The following DNAJC10 variants were observed in gnomAD, a reference collection of about 807,000 sequenced individuals.
DNAJC10 encodes the protein DnaJ heat shock protein family (Hsp40) member C10.
A neutral mutation model predicts 115.0 loss-of-function variants in DNAJC10; 101 were observed. The observed-to-expected ratio is 0.88, with a 90% confidence interval of 0.75 to 1.04. DNAJC10 has a LOEUF of 1.04. Among genes scored for constraint, DNAJC10 ranks in the 50% least tolerant of loss-of-function variants. The probability of loss-of-function intolerance (pLI) is 0.00; values close to 1 mark genes in which losing one functional copy is unlikely to be tolerated. For synonymous variants in DNAJC10, 307 were observed against 301.5 expected (o/e 1.02, Z -0.19); for missense variants, 981 against 928.8 (o/e 1.06, Z -0.73).
At chr2:182,722,794 G>T (rs1181814881) in intron 5 of DNAJC10, among the ~76,000 whole-genome samples, 1 of 151,868 alleles carries the variant, frequency 6.6e-6, no homozygotes, top group Non-Finnish European at 1.5e-5. Context: ...ACAAAAATTA[G>T]GTGTGCCTGG....
At position 182,728,662 on chromosome 2, in the gene DNAJC10, T is replaced by C. The variant is rs1351619633; in HGVS notation, c.501+4T>C. The C allele has an allele frequency of 6.2e-7, 1 of 1,608,332 alleles. No homozygotes were observed. Among genetic ancestry groups the C allele is most frequent in the Non-Finnish European group, 8.5e-7 (1 of 1,176,754 alleles). On this transcript the variant is annotated splice_donor_region_variant and intron_variant, in intron 6 of 23. Transcript: ENST00000264065. ...CTGCCATGATTTAGCTCCCACAGTA[T>C]GTATTTTTCACATCCTCATTACTAG...
chr2:182,722,183 C>T (rs1014687675), intron 5 of DNAJC10, 108 bp downstream of exon 5: 2 of 777,890 alleles, frequency 2.6e-6, no homozygotes, highest in African/African-American at 1.8e-5. Context: ...GAGTTTCGAA[C>T]AGTAATAATG....
chr2:182,774,022 A>G (rs942901558), intron 22 of DNAJC10, among the ~76,000 whole-genome samples: 1 of 152,114 alleles, frequency 6.6e-6, no homozygotes, highest in Non-Finnish European at 1.5e-5. Context: ...TTTGGTGTAG[A>G]TGACCTTTTT....
chr2:182,775,040 C>T (rs900391702), intron 22 of DNAJC10, among the ~76,000 whole-genome samples: 13 of 146,626 alleles, frequency 8.9e-5, no homozygotes, highest in East Asian at 2.0e-4. Flanking sequence ...TGCACAGTTT[C>T]GATGTTTTGA....
rs1694820709 is a variant in DNAJC10 at position 182,780,501 on chromosome 2, T to C, written c.*3369T>C. On this transcript the variant is annotated 3_prime_UTR_variant, in exon 24 of 24. Transcript: ENST00000264065. ...GCCATGTTTTTACAGCCTGCAGAACTGCAAGTCAAATAAACGTTTTCTTTA... is the reference window on the plus strand; with the variant it reads ...GCCATGTTTTTACAGCCTGCAGAACCGCAAGTCAAATAAACGTTTTCTTTA... 1 of 152,188 alleles carries C rather than the reference T, an allele frequency of 6.6e-6. No individual in the cohort carries two copies. Among genetic ancestry groups the C allele is most frequent in the Non-Finnish European group, 1.5e-5 (1 of 68,058 alleles). The allele number at this position is 152,188 out of a possible 1,614,324, so 9.4% of individuals were successfully genotyped here. A position where few individuals can be genotyped will look rare whatever the true frequency, so the allele number is the denominator to read the frequency against.
In DNAJC10 at chr2:182,745,647, T is replaced by C. The variant is rs1189954996; in HGVS notation, c.1306+1935T>C. Among the ~76,000 whole-genome samples the C allele has an allele frequency of 2.0e-5, 3 of 152,128 alleles. No individual in the cohort carries two copies. The East Asian group carries it at 5.8e-4, about 29-fold the overall frequency. On this transcript the variant is annotated intron_variant, in intron 14 of 23. Transcript: ENST00000264065. ...TTAGTAATCTCTAATACAAAGAACA[T>C]TGTGGACTATTAGGGAAAACAGACA...
In DNAJC10 at chr2:182,782,567, C is replaced by T. The variant is rs1000577778; in HGVS notation, c.*5435C>T. ...TATCCATGAGCATGGAATGCTTTTTCCATTTGTTTCTGTCCTCTCTCATTT... is the reference window on the plus strand; with the variant it reads ...TATCCATGAGCATGGAATGCTTTTTTCATTTGTTTCTGTCCTCTCTCATTT... On this transcript the variant is annotated 3_prime_UTR_variant, in exon 24 of 24. Transcript: ENST00000264065. 2 of 152,048 alleles carry T rather than the reference C, an allele frequency of 1.3e-5. No homozygotes were observed. Among genetic ancestry groups the T allele is most frequent in the African/African-American group, 4.8e-5 (2 of 41,392 alleles). The allele number at this position is 152,048 out of a possible 1,614,324, so 9.4% of individuals were successfully genotyped here. A position where few individuals can be genotyped will look rare whatever the true frequency, so the allele number is the denominator to read the frequency against.
Position 182,749,741 on chromosome 2 carries a change from T to A in DNAJC10, c.1307-1917T>A, listed in dbSNP as rs183701864. Among the ~76,000 whole-genome samples, 4 of 152,344 alleles carry A rather than the reference T, an allele frequency of 2.6e-5. No individual in the cohort carries two copies. In the East Asian group the frequency reaches 7.7e-4, roughly 29 times the overall value. ...TGCAGTGGAGAGTATTTATTGTCTA[T>A]TGCTTAGTAGTAAATTACCCCAAAA... On this transcript the variant is annotated intron_variant, in intron 14 of 23. Coordinates refer to ENST00000264065, the MANE Select transcript of DNAJC10 (RefSeq NM_018981.4).
At chr2:182,755,150 A>T (rs749498344) in intron 17 of DNAJC10, 46 bp downstream of exon 17, 2 of 1,141,428 alleles carry the variant, frequency 1.8e-6, no homozygotes, top group Admixed American at 1.7e-5. Flanking sequence ...GTCTGTTTCT[A>T]TGTAAACCCT....
chr2:182,728,808 T>G (rs1693358395), intron 6 of DNAJC10, 55 bp from the exon 7 acceptor site: 1 of 1,598,506 alleles, frequency 6.3e-7, no homozygotes, highest in African/African-American at 1.3e-5. Flanking sequence ...TGGAGTGTGT[T>G]CAAGGGAAGA....
Position 182,787,008 on chromosome 2 carries a change from C to G in DNAJC10, c.*9876C>G, listed in dbSNP as rs1037485063. The G allele has an allele frequency of 6.6e-6, 1 of 152,374 alleles. No homozygotes were observed. The highest frequency in any genetic ancestry group is 1.5e-5 in the Non-Finnish European group (1 of 68,212). The allele number at this position is 152,374 out of a possible 1,614,324, so 9.4% of individuals were successfully genotyped here. A position where few individuals can be genotyped will look rare whatever the true frequency, so the allele number is the denominator to read the frequency against. The stretch of plus-strand genomic sequence containing the variant: ...AGCGAGCCATCTGTAAACCAACAAA[C>G]AAGGCCCTCACCAGGCACTCAATCT... On this transcript the variant is annotated 3_prime_UTR_variant, in exon 24 of 24. Coordinates refer to ENST00000264065, the MANE Select transcript of DNAJC10 (RefSeq NM_018981.4).
Position 182,736,316 on chromosome 2 carries a change from T to C in DNAJC10, c.917T>C (p.Ile306Thr). Residue 306 changes from isoleucine to threonine, a missense_variant, in exon 11 of 24, where the codon ATT becomes ACT. Physicochemically the swap from Ile to Thr is moderately conservative, Grantham distance 89. Coordinates refer to ENST00000264065, the MANE Select transcript of DNAJC10 (RefSeq NM_018981.4). ...TQDNLCKSLD[I>T]TTSTTAYFPP... ...GATAACCTTTGTAAAAGCTTAGATA[T>C]TACAACAAGTACTACTGCTTATTTT... The C allele has an allele frequency of 6.3e-7, 1 of 1,597,170 alleles. No individual in the cohort carries two copies. The highest frequency in any genetic ancestry group is 8.5e-7 in the Non-Finnish European group (1 of 1,173,672).
chr2:182,755,051 A>G lies in DNAJC10; in HGVS notation c.1600A>G (p.Ile534Val), dbSNP rs1005288180. 1.9e-6 allele frequency: 3 copies of G among 1,610,366 alleles called. No homozygotes were observed. The African/African-American group carries it at 4.0e-5, about 22-fold the overall frequency. The change falls in exon 17 of 24, where the codon ATT becomes GTT. Residue 534 changes from isoleucine (I) to valine (V), a missense_variant. Physicochemically the swap from Ile to Val is conservative, Grantham distance 29. Transcript: ENST00000264065. ...PTTVVFNQSN[I>V]HEYEGHHSAE... The stretch of plus-strand genomic sequence containing the variant: ...AACAGTGGTATTCAACCAGTCCAAC[A>G]TTCATGAGTATGAAGGACATCACTC...
rs887279351 is a variant in DNAJC10 at position 182,787,851 on chromosome 2, G to GA, written c.*10719_*10720insA. On this transcript the variant is annotated 3_prime_UTR_variant, in exon 24 of 24. Coordinates refer to ENST00000264065, the MANE Select transcript of DNAJC10 (RefSeq NM_018981.4). ...TGGGAGGACTGCTTGAGCCCAGGAG[G>GA]TCCAGGCTGCAGTGAGCCGTGATCA... The GA allele has an allele frequency of 3.3e-5, 5 of 152,364 alleles. No individual in the cohort carries two copies. Among genetic ancestry groups the GA allele is most frequent in the African/African-American group, 1.2e-4 (5 of 41,400 alleles). The allele number at this position is 152,364 out of a possible 1,614,324, so 9.4% of individuals were successfully genotyped here. A position where few individuals can be genotyped will look rare whatever the true frequency, so the allele number is the denominator to read the frequency against.
rs1309572350 is a variant in DNAJC10 at position 182,755,107 on chromosome 2, A to G, written c.1653+3A>G. The G allele has an allele frequency of 1.9e-6, 3 of 1,538,616 alleles. No individual in the cohort carries two copies. Among genetic ancestry groups the G allele is most frequent in the Non-Finnish European group, 2.7e-6 (3 of 1,111,766 alleles). The stretch of plus-strand genomic sequence containing the variant: ...AACAAATCTTGGAGTTCATAGAGGT[A>G]TTTCAGATTATAGACTATGTGACTA... On this transcript the variant is annotated splice_donor_region_variant and intron_variant, in intron 17 of 23. Coordinates refer to ENST00000264065, the MANE Select transcript of DNAJC10 (RefSeq NM_018981.4).
rs1219176088 is a variant in DNAJC10, at chr2:182,790,666, G to A, written c.*13534G>A. ...TGGCCAGGCGTGGTGGTGCACGCCTGTAATCCCAGCTACTTGGGAGTCTGA... is the reference window on the plus strand; with the variant it reads ...TGGCCAGGCGTGGTGGTGCACGCCTATAATCCCAGCTACTTGGGAGTCTGA... On this transcript the variant is annotated 3_prime_UTR_variant, in exon 24 of 24. Coordinates refer to ENST00000264065, the MANE Select transcript of DNAJC10 (RefSeq NM_018981.4). 6.6e-6 allele frequency: 1 copy of A among 151,848 alleles called. No homozygotes were observed. The highest frequency in any genetic ancestry group is 1.5e-5 in the Non-Finnish European group (1 of 68,028). 9.4% of individuals were successfully genotyped at this position (151,848 alleles called of 1,614,324 possible).
Position 182,720,183 on chromosome 2 carries a change from A to C in DNAJC10, c.367+14A>C. On this transcript the variant is annotated intron_variant, in intron 4 of 23. Transcript: ENST00000264065. The stretch of plus-strand genomic sequence containing the variant: ...GTTATGATTTTGGTAAGGTGATACG[A>C]TATTACTTATGAAATGTGTTTTATC... 3.1e-6 allele frequency: 5 copies of C among 1,590,868 alleles called. No individual in the cohort carries two copies. The highest frequency in any genetic ancestry group is 4.3e-6 in the Non-Finnish European group (5 of 1,168,796).
intron 22 of DNAJC10, among the ~76,000 whole-genome samples, chr2:182,770,772 C>G (rs996452011): frequency 5.9e-5 from 9 of 152,146 alleles, no homozygotes; most frequent in African/African-American, 1.9e-4. Context: ...ATTTGACTTC[C>G]TCATTTCCTA....
rs1695081482 is a variant in DNAJC10, at chr2:182,793,107, C to T, written c.*15975C>T. On this transcript the variant is annotated 3_prime_UTR_variant, in exon 24 of 24. Transcript: ENST00000264065. The stretch of plus-strand genomic sequence containing the variant: ...ATTGAAGGAGGTGGAAAAAATGTAG[C>T]CACTAAATGGGCTGAGGGTAGAGCA... The T allele has an allele frequency of 6.6e-6, 1 of 152,168 alleles. No homozygotes were observed. Among genetic ancestry groups the T allele is most frequent in the South Asian group, 2.1e-4 (1 of 4,812 alleles). 9.4% of individuals were successfully genotyped at this position (152,168 alleles called of 1,614,324 possible). A position where few individuals can be genotyped will look rare whatever the true frequency, so the allele number is the denominator to read the frequency against.
Sources: gnomAD v4.1 joint callset for allele counts (sites outside exome capture counted in the v4.1 genomes callset) on GRCh38, gnomAD v4.1.1 for gene constraint, MANE v1.5 for transcripts, NCBI Gene and HGNC (gene_info 2026-07-23, HGNC 2026-07-21) for gene names.